Variants in PCDH9 observed in about 807,000 individuals in gnomAD.
PCDH9 encodes the protein protocadherin-9.
In PCDH9, 24 loss-of-function variants were observed where a neutral mutation model predicts 70.6. The ratio of observed to expected loss-of-function variants is 0.34; its 90% CI spans 0.25 to 0.48. The LOEUF is 0.48. Ranked by LOEUF, PCDH9 falls within the 20% of genes least tolerant of loss-of-function variation. The probability of loss-of-function intolerance (pLI) is 0.99; values close to 1 mark genes in which losing one functional copy is unlikely to be tolerated. For missense variants in PCDH9, 1,281 were observed against 1,503.6 expected (o/e 0.85, Z 2.45); for synonymous variants, 562 against 558.5 (o/e 1.01, Z -0.09).
intron 2 of PCDH9, among the ~76,000 whole-genome samples, chr13:66,939,896 T>C (rs1421058500): frequency 6.6e-6 from 1 of 152,210 alleles, no homozygotes; most frequent in African/African-American, 2.4e-5. Flanking sequence ...GAGGTCTATG[T>C]GTATTGTTTT....
chr13:66,538,511 C>T (rs1960805286), intron 4 of PCDH9, among the ~76,000 whole-genome samples: 1 of 152,102 alleles, frequency 6.6e-6, no homozygotes, highest in Non-Finnish European at 1.5e-5. Flanking sequence ...AGTGGAAGCT[C>T]ACAAGTCCCA....
chr13:66,687,680 TA>T, intron 3 of PCDH9, among the ~76,000 whole-genome samples: 1 of 152,228 alleles, frequency 6.6e-6, no homozygotes, highest in African/African-American at 2.4e-5. Context: ...CAAACCCAAG[TA>T]AAGTAAGACA....
At chr13:66,839,588 T>G (rs2081081975) in intron 3 of PCDH9, among the ~76,000 whole-genome samples, 1 of 152,226 alleles carries the variant, frequency 6.6e-6, no homozygotes, top group African/African-American at 2.4e-5. Context: ...TAACAAGCTT[T>G]ATCTTCATCT....
intron 4 of PCDH9, among the ~76,000 whole-genome samples, chr13:66,392,891 T>G (rs567360275): frequency 6.6e-6 from 1 of 151,606 alleles, no homozygotes; most frequent in East Asian, 1.9e-4. Context: ...CATTTGCTTT[T>G]TTTTTTTTTT....
At chr13:67,056,273 T>C (rs181044769) in intron 2 of PCDH9, among the ~76,000 whole-genome samples, 1 of 152,298 alleles carries the variant, frequency 6.6e-6, no homozygotes, top group Non-Finnish European at 1.5e-5. Flanking sequence ...TTAACAAAAA[T>C]GTGATTATTT....
intron 4 of PCDH9, among the ~76,000 whole-genome samples, chr13:66,419,533 C>T (rs954685765): frequency 1.3e-5 from 2 of 151,832 alleles, no homozygotes; most frequent in Non-Finnish European, 2.9e-5. Context: ...GGCGTTGCCT[C>T]ACCCCAGAAA....
At chr13:67,061,256 T>TTGG (rs2085533402) in intron 2 of PCDH9, among the ~76,000 whole-genome samples, 3 of 152,056 alleles carry the variant, frequency 2.0e-5, no homozygotes, top group Admixed American at 1.3e-4. Context: ...AGATCATACC[T>TTGG]TGGGTTTCTT....
rs115917309 is a variant in PCDH9 at position 67,088,551 on chromosome 13, A to G, written c.3036+136854T>C. Reference sequence around the variant, plus strand: ...ATGAGTGAAGTATCTCATCTAATAAATTTAAACATCTGACAGATTGGCCAA... The same window carrying G: ...ATGAGTGAAGTATCTCATCTAATAAGTTTAAACATCTGACAGATTGGCCAA... On this transcript the variant is annotated intron_variant, in intron 2 of 4. Coordinates refer to ENST00000377865, the MANE Select transcript of PCDH9 (RefSeq NM_203487.3). Among the ~76,000 whole-genome samples the G allele has an allele frequency of 7.9e-3, 1,195 of 152,160 alleles. 21 individuals are homozygous for G. Among genetic ancestry groups the G allele is most frequent in the African/African-American group, 0.027 (1,109 of 41,562 alleles).
chr13:66,394,936 T>C (rs1187044197), intron 4 of PCDH9, among the ~76,000 whole-genome samples: 1 of 152,214 alleles, frequency 6.6e-6, no homozygotes, highest in Non-Finnish European at 1.5e-5. Context: ...AATGATAAGA[T>C]GGGAGTATAT....
chr13:67,175,071 G>A (rs1340243771), intron 2 of PCDH9, among the ~76,000 whole-genome samples: 1 of 151,892 alleles, frequency 6.6e-6, no homozygotes, highest in Non-Finnish European at 1.5e-5. Context: ...AGAAGGTGGA[G>A]CATGCAGTGA....
chr13:66,915,055 T>G (rs2082535570), intron 2 of PCDH9: 1 of 151,716 alleles, frequency 6.6e-6, no homozygotes, highest in South Asian at 2.1e-4. Context: ...TTTCAGTTCA[T>G]AGTAGTTTTC....
chr13:67,090,275 C>G (rs1045688815), intron 2 of PCDH9, among the ~76,000 whole-genome samples: 1 of 151,838 alleles, frequency 6.6e-6, no homozygotes, highest in Non-Finnish European at 1.5e-5. Context: ...TCATTATATC[C>G]AGGGTAGGAC....
chr13:66,969,405 C>T (rs2083481764), intron 2 of PCDH9, among the ~76,000 whole-genome samples: 1 of 151,948 alleles, frequency 6.6e-6, no homozygotes, highest in African/African-American at 2.4e-5. Context: ...TTGTTATATT[C>T]AGCAGCTTAT....
chr13:66,423,208 C>T (rs1957600921), intron 4 of PCDH9, among the ~76,000 whole-genome samples: 1 of 152,040 alleles, frequency 6.6e-6, no homozygotes, highest in Non-Finnish European at 1.5e-5. Context: ...GATGAATTCA[C>T]AGCCAAATTC....
chr13:67,036,941 G>A (rs1282227972), intron 2 of PCDH9, among the ~76,000 whole-genome samples: 1 of 152,156 alleles, frequency 6.6e-6, no homozygotes, highest in African/African-American at 2.4e-5. Flanking sequence ...CAGTTGTCCG[G>A]ATGAAATGGA....
At chr13:67,085,993 C>G (rs920725889) in intron 2 of PCDH9, among the ~76,000 whole-genome samples, 2 of 152,092 alleles carry the variant, frequency 1.3e-5, no homozygotes, top group East Asian at 1.9e-4. Context: ...TTTATATAGC[C>G]TATAGTTTTC....
At chr13:66,896,970 T>C (rs2082190769) in intron 3 of PCDH9, among the ~76,000 whole-genome samples, 1 of 152,192 alleles carries the variant, frequency 6.6e-6, no homozygotes. Context: ...TCAAGTCTTA[T>C]TTATAACAAC....
intron 4 of PCDH9, among the ~76,000 whole-genome samples, chr13:66,570,809 A>C (rs1273535707): frequency 6.6e-6 from 1 of 152,130 alleles, no homozygotes; most frequent in East Asian, 1.9e-4. Context: ...CATTTAAAAA[A>C]GGTATTTATT....
intron 2 of PCDH9, among the ~76,000 whole-genome samples, chr13:66,940,416 C>A (rs188471103): frequency 6.6e-6 from 1 of 151,836 alleles, no homozygotes; most frequent in Non-Finnish European, 1.5e-5. Context: ...AACCAGTAAG[C>A]GTTTTCTGTG....
Sources: gnomAD v4.1 joint callset for allele counts (sites outside exome capture counted in the v4.1 genomes callset) on GRCh38, gnomAD v4.1.1 for gene constraint, MANE v1.5 for transcripts, NCBI Gene and HGNC (gene_info 2026-07-23, HGNC 2026-07-21) for gene names.